METTL16: variants seen among roughly 807,000 people sequenced by gnomAD.
METTL16 encodes the protein RNA N(6)-adenosine-methyltransferase METTL16.
METTL16 carries 19 observed loss-of-function variants against 57.9 expected under a neutral mutation model. The ratio of observed to expected loss-of-function variants is 0.33; its 90% CI spans 0.23 to 0.48. The LOEUF (loss-of-function observed/expected upper bound fraction) is 0.48. Ranked by LOEUF, METTL16 falls within the 20% of genes least tolerant of loss-of-function variation. The pLI is 0.99. For synonymous variants in METTL16, 246 were observed against 255.6 expected (o/e 0.96, Z 0.36); for missense variants, 434 against 691.5 (o/e 0.63, Z 4.18).
chr17:2,439,897 G>GT (rs1489497110), intron 7 of METTL16, among the ~76,000 whole-genome samples: 1 of 152,256 alleles, frequency 6.6e-6, no homozygotes, highest in African/African-American at 2.4e-5. Flanking sequence ...TACCATCAGA[G>GT]TAGACACAGG....
intron 4 of METTL16, among the ~76,000 whole-genome samples, chr17:2,470,688 G>C (rs1281616618): frequency 6.6e-6 from 1 of 152,162 alleles, no homozygotes; most frequent in Non-Finnish European, 1.5e-5. Flanking sequence ...GCACGCACTG[G>C]CAGTCTCAGC....
chr17:2,452,837 A>G (rs1299607389), intron 6 of METTL16, among the ~76,000 whole-genome samples: 1 of 151,844 alleles, frequency 6.6e-6, no homozygotes, highest in East Asian at 1.9e-4. Context: ...AAAAGCGTGT[A>G]TTGTTTTTTG....
intron 2 of METTL16, 39 bp from the exon 3 acceptor site, chr17:2,477,924 G>A: frequency 3.9e-6 from 6 of 1,546,012 alleles, no homozygotes; most frequent in Non-Finnish European, 5.4e-6. Flanking sequence ...TGATTAGTAA[G>A]ATTCACTATG....
At chr17:2,426,546 T>C (rs1009161136) in intron 8 of METTL16, among the ~76,000 whole-genome samples, 1 of 151,704 alleles carries the variant, frequency 6.6e-6, no homozygotes, top group African/African-American at 2.4e-5. Flanking sequence ...CTGGCCAACA[T>C]GGTGAAACCC....
intron 8 of METTL16, among the ~76,000 whole-genome samples, chr17:2,432,008 G>A (rs374716533): frequency 8.8e-4 from 133 of 151,932 alleles, no homozygotes; most frequent in African/African-American, 2.9e-3. Flanking sequence ...GCAGTGGCAC[G>A]ATCCTGGCTC....
chr17:2,432,545 G>C (rs2066880788), intron 8 of METTL16, among the ~76,000 whole-genome samples: 2 of 151,998 alleles, frequency 1.3e-5, no homozygotes, highest in Non-Finnish European at 2.9e-5. Flanking sequence ...TTCCAGCCTT[G>C]GCAACAGTGA....
chr17:2,477,158 C>T (rs970366327), intron 3 of METTL16, among the ~76,000 whole-genome samples: 2 of 151,952 alleles, frequency 1.3e-5, no homozygotes, highest in Admixed American at 6.6e-5. Flanking sequence ...CTGGGCAACA[C>T]GAGACCCCAT....
intron 6 of METTL16, among the ~76,000 whole-genome samples, chr17:2,457,229 T>G (rs1300490605): frequency 6.9e-6 from 1 of 145,140 alleles, no homozygotes; most frequent in Admixed American, 7.3e-5. Flanking sequence ...TCCAAGCTAC[T>G]AGGGAGGCTG....
chr17:2,473,150 A>G (rs1197542686), intron 4 of METTL16, among the ~76,000 whole-genome samples: 1 of 152,160 alleles, frequency 6.6e-6, no homozygotes, highest in African/African-American at 2.4e-5. Context: ...TGAACCTAAA[A>G]ATGCCCTAAA....
intron 6 of METTL16, among the ~76,000 whole-genome samples, chr17:2,457,738 C>A (rs1317435511): frequency 6.6e-6 from 1 of 151,578 alleles, no homozygotes; most frequent in African/African-American, 2.4e-5. Context: ...TTAAAAATCA[C>A]CCTATTTAAT....
rs1555617300 is a variant in METTL16, at chr17:2,448,799, AT to A, written c.729-7241del. On this transcript the variant is annotated intron_variant, in intron 6 of 9. Coordinates refer to ENST00000263092, the MANE Select transcript of METTL16 (RefSeq NM_024086.4). ...AAAAAAATAAAAAAATAAAAATAAA[AT>A]TTAAAAAAAAAAAAAAAAAAAAAAA... Among the ~76,000 whole-genome samples, 118 of 77,168 alleles carry A rather than the reference AT, an allele frequency of 1.5e-3. 1 individual carries two copies. Among genetic ancestry groups the A allele is most frequent in the Non-Finnish European group, 2.3e-3 (84 of 36,796 alleles). 50.6% of individuals were successfully genotyped at this position (77,168 alleles called of 152,430 possible).
intron 6 of METTL16, among the ~76,000 whole-genome samples, chr17:2,445,388 AT>A (rs2066987762): frequency 1.3e-5 from 2 of 152,272 alleles, no homozygotes; most frequent in Non-Finnish European, 2.9e-5. Context: ...CATTTCTCAG[AT>A]TTCCCCCCTC....
intron 3 of METTL16, among the ~76,000 whole-genome samples, chr17:2,476,832 T>C (rs976944012): frequency 2.0e-5 from 3 of 151,974 alleles, no homozygotes; most frequent in African/African-American, 7.3e-5. Context: ...GGCAGGCACC[T>C]GTAATCCCAG....
chr17:2,480,598 G>T (rs916315894), intron 2 of METTL16, among the ~76,000 whole-genome samples: 3 of 152,172 alleles, frequency 2.0e-5, no homozygotes, highest in Non-Finnish European at 4.4e-5. Context: ...GAATTGGAAA[G>T]GGAAGTACAA....
chr17:2,457,246 G>A (rs2067117413), intron 6 of METTL16, among the ~76,000 whole-genome samples: 1 of 148,798 alleles, frequency 6.7e-6, no homozygotes, highest in South Asian at 2.1e-4. Flanking sequence ...GCTGAGGCAG[G>A]AGAATGGCGT....
intron 3 of METTL16, among the ~76,000 whole-genome samples, chr17:2,474,729 C>G (rs930518909): frequency 3.3e-5 from 5 of 152,222 alleles, no homozygotes; most frequent in Non-Finnish European, 7.3e-5. Context: ...AGTTCGAGGC[C>G]TGCCTGGCCA....
At chr17:2,441,436 C>A in intron 7 of METTL16, 54 bp downstream of exon 7, 2 of 1,309,548 alleles carry the variant, frequency 1.5e-6, no homozygotes, top group East Asian at 2.6e-5. Context: ...GTACTTGTGC[C>A]CCATGGATAC....
At chr17:2,448,249 G>T (rs1213582403) in intron 6 of METTL16, among the ~76,000 whole-genome samples, 2 of 147,824 alleles carry the variant, frequency 1.4e-5, no homozygotes, top group Non-Finnish European at 3.0e-5. Flanking sequence ...GGTGTGCCCA[G>T]CGGCTCATTG....
intron 6 of METTL16, among the ~76,000 whole-genome samples, chr17:2,463,167 G>A (rs1279495885): frequency 6.6e-6 from 1 of 152,152 alleles, no homozygotes; most frequent in Non-Finnish European, 1.5e-5. Flanking sequence ...CTGTCACTGG[G>A]AGACTGATTC....
Sources: allele counts gnomAD v4.1 joint callset (sites outside exome capture counted in the v4.1 genomes callset), GRCh38; gene constraint gnomAD v4.1.1; transcripts MANE v1.5; gene names NCBI Gene and HGNC (gene_info 2026-07-23, HGNC 2026-07-21).